LAD1: variants seen among roughly 807,000 people sequenced by gnomAD.
LAD1 encodes the protein ladinin 1, also known as ladinin-1.
Under a neutral mutation model 54.2 loss-of-function variants are expected in LAD1, and 53 were observed. That is an observed-to-expected ratio of 0.98 (90% confidence interval 0.78 to 1.23). LAD1 has a LOEUF of 1.23. Ranked by LOEUF, LAD1 falls within the 50% of genes most tolerant of loss-of-function variation. The pLI is 0.00. For missense variants in LAD1, 637 were observed against 653.3 expected (o/e 0.98, Z 0.27); for synonymous variants, 231 against 257.7 (o/e 0.90, Z 0.99).
intron 4 of LAD1, 76 bp from the exon 5 acceptor site, chr1:201,384,911 C>A (rs1009437975): frequency 7.1e-7 from 1 of 1,412,130 alleles, no homozygotes; most frequent in Non-Finnish European, 1.0e-6. Context: ...AGGAGCCCAG[C>A]TCTCAAGACA....
rs765360788 is a variant in LAD1 at position 201,383,364 on chromosome 1, T to C, written c.1201A>G (p.Thr401Ala). 1 of 1,613,978 alleles carries C rather than the reference T, an allele frequency of 6.2e-7. No individual in the cohort carries two copies. Among genetic ancestry groups the C allele is most frequent in the Admixed American group, 1.7e-5 (1 of 60,016 alleles). The change falls in exon 6 of 10, where the codon ACA (threonine) becomes GCA (alanine). Residue 401 changes from threonine to alanine, a missense_variant. Thr to Ala is a moderately conservative substitution (Grantham distance 58, BLOSUM62 0). Transcript: ENST00000391967. ...TCCAGCTTCTCTCCCAACTTCACTG[T>C]GTTGTCTGGGAGCTTCATGCTGGCA... The part of the protein sequence containing the change: ...RSASMKLPDN[T>A]VKLGEKLERY...
At chr1:201,398,378 G>A (rs1298712261) in intron 1 of LAD1, among the ~76,000 whole-genome samples, 1 of 152,174 alleles carries the variant, frequency 6.6e-6, no homozygotes, top group African/African-American at 2.4e-5. Context: ...GCTAGAAAGG[G>A]ATCAAAAGAG....
Position 201,382,633 on chromosome 1 carries a change from A to C in LAD1, c.1473+20T>G. 1 of 1,569,314 alleles carries C rather than the reference A, an allele frequency of 6.4e-7. No individual in the cohort carries two copies. ...CCACAAAGGCTCCACAGTAAGAGAC[A>C]TCAGGGAGGGTGAGGATACCTGGGG... is the stretch of plus-strand genomic sequence containing the variant. On this transcript the variant is annotated intron_variant, in intron 8 of 9. Coordinates refer to ENST00000391967, the MANE Select transcript of LAD1 (RefSeq NM_005558.4).
Position 201,399,317 on chromosome 1 carries a change from C to T in LAD1, c.-11G>A, listed in dbSNP as rs1028680052. On this transcript the variant is annotated 5_prime_UTR_variant, in exon 1 of 10. Transcript: ENST00000391967. ...CCTGCTGACAGCCATGCTGCAGGAGCCCCGCGTGGCCGCCCGCGCCCCGCC... is the reference window on the plus strand; with the variant it reads ...CCTGCTGACAGCCATGCTGCAGGAGTCCCGCGTGGCCGCCCGCGCCCCGCC... 15 of 1,533,266 alleles carry T rather than the reference C, an allele frequency of 9.8e-6. No individual in the cohort carries two copies. The highest frequency in any genetic ancestry group is 2.1e-4 in the Middle Eastern group (1 of 4,848). 95.0% of individuals were successfully genotyped at this position (1,533,266 alleles called of 1,614,324 possible).
chr1:201,382,583 C>T lies in LAD1; in HGVS notation c.1473+70G>A, dbSNP rs540931441. 3 of 1,281,592 alleles carry T rather than the reference C, an allele frequency of 2.3e-6. No individual in the cohort carries two copies. The South Asian group carries it at 3.8e-5, about 16-fold the overall frequency. The allele number at this position is 1,281,592 out of a possible 1,614,324, so 79.4% of individuals were successfully genotyped here. ...AAATGACTCCTCCTCTCCCGACTGT[C>T]CCTCCTCTGTCCCCAGTCATCCCAC... On this transcript the variant is annotated intron_variant, in intron 8 of 9. Transcript: ENST00000391967.
chr1:201,385,782 T>C lies in LAD1; in HGVS notation c.1050A>G (p.Glu350=). The C allele has an allele frequency of 6.2e-7, 1 of 1,614,028 alleles. No individual in the cohort carries two copies. The highest frequency in any genetic ancestry group is 1.7e-5 in the Admixed American group (1 of 60,024). ...TLQVKIPSKE[E]EADMSSPTQR... is the part of the protein sequence containing the mutation. The stretch of plus-strand genomic sequence containing the variant: ...GTGTGGGTGAGGACATATCTGCCTC[T>C]TCCTCCTTGCTGGGGATTTTCACCT... Residue 350 remains glutamate, a synonymous_variant, in exon 4 of 10, where the codon GAA becomes GAG. Transcript: ENST00000391967.
Position 201,381,833 on chromosome 1 carries a change from G to A in LAD1, c.*55C>T, listed in dbSNP as rs1369410717. 6.3e-7 allele frequency: 1 copy of A among 1,584,906 alleles called. No homozygotes were observed. Among genetic ancestry groups the A allele is most frequent in the Non-Finnish European group, 8.7e-7 (1 of 1,153,476 alleles). On this transcript the variant is annotated 3_prime_UTR_variant, in exon 10 of 10. Transcript: ENST00000391967. Reference sequence around the variant, plus strand: ...TGCTGCTGTGAGAGGCAGGGGCCTGGCATGAGGGAGGTCCCTTGAGACGAA... The same window carrying A: ...TGCTGCTGTGAGAGGCAGGGGCCTGACATGAGGGAGGTCCCTTGAGACGAA...
intron 5 of LAD1, chr1:201,383,663 G>A (rs1414510508): frequency 2.1e-6 from 1 of 480,034 alleles, no homozygotes; most frequent in African/African-American, 2.0e-5. Context: ...TCCCAAAGCA[G>A]GTCCTTCCTT....
chr1:201,399,176 TC>T, intron 1 of LAD1, 92 bp downstream of exon 1: 1 of 1,042,794 alleles, frequency 9.6e-7, no homozygotes, highest in East Asian at 2.6e-5. Flanking sequence ...AGTGTCAGGG[TC>T]CCAGGCGGGG....
chr1:201,399,202 C>T (rs1662361055), intron 1 of LAD1, 67 bp downstream of exon 1: 2 of 1,319,090 alleles, frequency 1.5e-6, no homozygotes, highest in Non-Finnish European at 2.1e-6. Context: ...GGCCGGTGCC[C>T]CGAGGAGAGG....
intron 1 of LAD1, among the ~76,000 whole-genome samples, chr1:201,395,741 AGAGT>A (rs1182980648): frequency 1.3e-5 from 2 of 152,194 alleles, no homozygotes; most frequent in Admixed American, 6.5e-5. Context: ...CCTGAGTGAC[AGAGT>A]GAGACTCTGT....
intron 3 of LAD1, among the ~76,000 whole-genome samples, chr1:201,386,121 T>C (rs1352171706): frequency 2.0e-5 from 3 of 152,142 alleles, no homozygotes; most frequent in Admixed American, 6.5e-5. Flanking sequence ...GCCCCACAGC[T>C]GGTGCCCCTT....
intron 1 of LAD1, among the ~76,000 whole-genome samples, chr1:201,395,708 A>G (rs1662276374): frequency 6.6e-6 from 1 of 152,166 alleles, no homozygotes; most frequent in South Asian, 2.1e-4. Flanking sequence ...GCAGTGAGCC[A>G]AGATCATGCC....
intron 1 of LAD1, among the ~76,000 whole-genome samples, chr1:201,392,071 AC>A (rs1171389250): frequency 1.3e-5 from 2 of 152,202 alleles, no homozygotes; most frequent in African/African-American, 4.8e-5. Flanking sequence ...TGTCTCCTCC[AC>A]AGGGAGTCTG....
intron 1 of LAD1, 27 bp downstream of exon 1, chr1:201,399,242 C>T: frequency 6.5e-7 from 1 of 1,538,568 alleles, no homozygotes; most frequent in Non-Finnish European, 8.7e-7. Context: ...CGACCCCCCG[C>T]CCCTCCCGGC....
intron 8 of LAD1, 118 bp downstream of exon 8, chr1:201,382,535 C>A: frequency 1.2e-6 from 1 of 831,250 alleles, no homozygotes; most frequent in Non-Finnish European, 1.9e-6. Context: ...TCCTCCTCTC[C>A]CGAAATGACT....
In LAD1 at chr1:201,380,900, A is replaced by C. The variant is rs191477066; in HGVS notation, c.*988T>G. On this transcript the variant is annotated 3_prime_UTR_variant, in exon 10 of 10. Transcript: ENST00000391967. ...AGCTTTAAGGGGTTAACAGGGCACC[A>C]GGCTGATGTTCCTAGCTTGGTTGGT... 4.6e-5 allele frequency: 7 copies of C among 151,880 alleles called. No individual in the cohort carries two copies. The East Asian group carries it at 1.4e-3, about 30-fold the overall frequency. The allele number at this position is 151,880 out of a possible 1,614,324, so 9.4% of individuals were successfully genotyped here.
chr1:201,383,124 CAA>C lies in LAD1; in HGVS notation c.1334_1335del (p.Phe445Ter), dbSNP rs745588640. 1 of 1,614,108 alleles carries C rather than the reference CAA, an allele frequency of 6.2e-7. No individual in the cohort carries two copies. Among genetic ancestry groups the C allele is most frequent in the African/African-American group, 1.3e-5 (1 of 75,042 alleles). On this transcript the variant is annotated frameshift_variant, in exon 7 of 10. Coordinates refer to ENST00000391967, the MANE Select transcript of LAD1 (RefSeq NM_005558.4). LOFTEE classifies it high-confidence loss of function. ...CGGCTCTGGCCCGCCAGTTCCTTCTCAAAGAGGTGGCGCTTGCTGGCTACACC... is the reference window on the plus strand; with the variant it reads ...CGGCTCTGGCCCGCCAGTTCCTTCTCAGAGGTGGCGCTTGCTGGCTACACC... ...PVGVASKRHL[F>X]EKELAGQSRA...
chr1:201,382,452 C>A, intron 8 of LAD1, 126 bp from the exon 9 acceptor site: 1 of 823,228 alleles, frequency 1.2e-6, no homozygotes, highest in Non-Finnish European at 2.0e-6. Flanking sequence ...GGAACCCAGA[C>A]CCACCCCTCC....
Sources: gnomAD v4.1 joint callset for allele counts (sites outside exome capture counted in the v4.1 genomes callset) on GRCh38, gnomAD v4.1.1 for gene constraint, MANE v1.5 for transcripts, NCBI Gene and HGNC (gene_info 2026-07-23, HGNC 2026-07-21) for gene names.